FRMPD4: variants seen among roughly 807,000 people sequenced by gnomAD.
The protein encoded by FRMPD4 is FERM and PDZ domain-containing protein 4.
In FRMPD4, 22 loss-of-function variants were observed where a neutral mutation model predicts 94.1. The observed-to-expected ratio is 0.23, with a 90% CI of 0.17 to 0.33. FRMPD4 has a LOEUF of 0.33. Among genes scored for constraint, FRMPD4 ranks in the 10% least tolerant of loss-of-function variants. FRMPD4 has a pLI of 1.00. For missense variants in FRMPD4, 1,111 were observed against 1,339.9 expected (o/e 0.83, Z 2.67); for synonymous variants, 631 against 548.6 (o/e 1.15, Z -2.10).
At chrX:12,599,929 TTGAAA>T (rs1449984382) in intron 2 of FRMPD4, among the ~76,000 whole-genome samples, 31 of 110,251 alleles carry the variant, frequency 2.8e-4, no homozygotes, top group African/African-American at 9.0e-4. Context: ...TTAAGAGGTG[TTGAAA>T]TGAAGGTAAA....
Position 11,875,987 on chromosome X carries a change from T to C in FRMPD4, c.-29-1908T>C, listed in dbSNP as rs745419251. Among the ~76,000 whole-genome samples the C allele has an allele frequency of 8.6e-3, 891 of 103,507 alleles. 7 individuals carry two copies. The highest frequency in any genetic ancestry group is 0.029 in the African/African-American group (816 of 28,368). 89.9% of individuals were successfully genotyped at this position (103,507 alleles called of 115,157 possible). On this transcript the variant is annotated intron_variant, in intron 2 of 18. Transcript: ENST00000640291. Reference sequence around the variant, plus strand: ...GCCTCCCGGGTTCGCGCCATTCTCCTGCCTCAGCCTCCGGAGTAGCTGGGA... The same window carrying C: ...GCCTCCCGGGTTCGCGCCATTCTCCCGCCTCAGCCTCCGGAGTAGCTGGGA...
intron 3 of FRMPD4, among the ~76,000 whole-genome samples, chrX:11,970,987 C>T (rs2054337059): frequency 8.9e-6 from 1 of 112,168 alleles, no homozygotes; most frequent in African/African-American, 3.2e-5. Context: ...TTGTTCTTCC[C>T]CCTCTTCCAG....
At chrX:12,428,162 C>T (rs1399219339) in intron 1 of FRMPD4, among the ~76,000 whole-genome samples, 2 of 109,840 alleles carry the variant, frequency 1.8e-5, no homozygotes, top group African/African-American at 3.3e-5. Flanking sequence ...CTGCCCACCT[C>T]GGCCTCCCCA....
chrX:12,114,862 T>C (rs2055394979), intron 3 of FRMPD4, among the ~76,000 whole-genome samples: 1 of 112,775 alleles, frequency 8.9e-6, no homozygotes, highest in African/African-American at 3.2e-5. Context: ...CCTGAATTCA[T>C]ATAAATGTTT....
At chrX:12,675,209 G>A (rs1166736533) in intron 5 of FRMPD4, among the ~76,000 whole-genome samples, 9 of 111,707 alleles carry the variant, frequency 8.1e-5, no homozygotes, top group Admixed American at 3.8e-4. Context: ...ATGCTTTTCA[G>A]CTTAAGAAAC....
intron 1 of FRMPD4, among the ~76,000 whole-genome samples, chrX:12,458,569 G>C (rs2057359326): frequency 8.9e-6 from 1 of 111,833 alleles, no homozygotes; most frequent in Non-Finnish European, 1.9e-5. Context: ...TAGAGCTGTT[G>C]GTTCCCAGGC....
rs556657337 is a variant in FRMPD4 at position 12,031,502 on chromosome X, A to G, written c.95+153484A>G. Among the ~76,000 whole-genome samples the G allele has an allele frequency of 2.2e-4, 25 of 111,413 alleles. No individual in the cohort carries two copies. The South Asian group carries it at 8.8e-3, about 39-fold the overall frequency. ...TGAGGAGTCAAGGTTTTTTTCTATT[A>G]CTCTAGGTCAGTGATTCTCAACCAG... On this transcript the variant is annotated intron_variant, in intron 3 of 18. Coordinates refer to the FRMPD4 transcript ENST00000640291.
At chrX:12,344,845 G>A (rs1190914848) in intron 1 of FRMPD4, among the ~76,000 whole-genome samples, 1 of 111,844 alleles carries the variant, frequency 8.9e-6, no homozygotes, top group Non-Finnish European at 1.9e-5. Flanking sequence ...CCACCATAGT[G>A]GGGAGGGGGG....
At chrX:12,409,875 G>T (rs1440639932) in intron 1 of FRMPD4, among the ~76,000 whole-genome samples, 1 of 111,025 alleles carries the variant, frequency 9.0e-6, no homozygotes, top group African/African-American at 3.3e-5. Flanking sequence ...TTTGAATTCT[G>T]GTTTTTATTC....
At chrX:12,369,668 A>G (rs1039365290) in intron 1 of FRMPD4, among the ~76,000 whole-genome samples, 3 of 112,313 alleles carry the variant, frequency 2.7e-5, no homozygotes, top group Non-Finnish European at 5.6e-5. Context: ...TAGGAATTCA[A>G]TAGTTGGAGA....
At chrX:11,964,255 GTTC>G (rs2054298870) in intron 3 of FRMPD4, among the ~76,000 whole-genome samples, 1 of 109,822 alleles carries the variant, frequency 9.1e-6, no homozygotes, top group African/African-American at 3.3e-5. Flanking sequence ...CGCCTCCTGG[GTTC>G]ACGCCAATCT....
chrX:12,085,855 C>G (rs1026001987), intron 3 of FRMPD4, among the ~76,000 whole-genome samples: 1 of 111,602 alleles, frequency 9.0e-6, no homozygotes, highest in African/African-American at 3.3e-5. Flanking sequence ...GGCAACAGAG[C>G]AAAATTCTGT....
At chrX:12,481,960 A>G (rs1311527618) in intron 1 of FRMPD4, among the ~76,000 whole-genome samples, 1 of 98,220 alleles carries the variant, frequency 1.0e-5, no homozygotes, top group Non-Finnish European at 2.1e-5. Context: ...AAAAAAAAAA[A>G]AAAAAAAAAA....
intron 1 of FRMPD4, among the ~76,000 whole-genome samples, chrX:12,187,796 T>C (rs919126183): frequency 1.8e-5 from 2 of 111,900 alleles, no homozygotes; most frequent in Non-Finnish European, 3.8e-5. Flanking sequence ...TAGATACACA[T>C]ACATTTGTGT....
intron 3 of FRMPD4, among the ~76,000 whole-genome samples, chrX:11,992,752 T>G (rs937569523): frequency 9.0e-6 from 1 of 111,336 alleles, no homozygotes; most frequent in African/African-American, 3.3e-5. Flanking sequence ...TATCACCTGC[T>G]ATTTGCCCTC....
chrX:12,424,233 T>A (rs1021429103), intron 1 of FRMPD4, among the ~76,000 whole-genome samples: 41 of 112,299 alleles, frequency 3.7e-4, no homozygotes, highest in Non-Finnish European at 1.9e-4. Context: ...TCCTGCCCCA[T>A]GTTAACTATC....
intron 3 of FRMPD4, among the ~76,000 whole-genome samples, chrX:11,915,199 C>T (rs747497985): frequency 2.7e-5 from 3 of 112,482 alleles, no homozygotes; most frequent in South Asian, 3.6e-4. Flanking sequence ...TTTCTGAACA[C>T]AGAGGTCAGA....
chrX:12,636,290 T>G (rs2059442802), intron 4 of FRMPD4, among the ~76,000 whole-genome samples: 1 of 111,790 alleles, frequency 8.9e-6, no homozygotes, highest in Admixed American at 9.5e-5. Context: ...AAAAAATTTA[T>G]TTATAGTTTT....
rs772351122 is a variant in FRMPD4 at position 12,624,698 on chromosome X, T to A, written c.422+9817T>A. Among the ~76,000 whole-genome samples, 7 of 111,468 alleles carry A rather than the reference T, an allele frequency of 6.3e-5. No individual in the cohort carries two copies. The South Asian group carries it at 2.7e-3, about 42-fold the overall frequency. Reference sequence around the variant, plus strand: ...TGTTCAATAGTTAGTTTGACAATACTCCAACCTTTGTATAATAGGAATCGC... The same window carrying A: ...TGTTCAATAGTTAGTTTGACAATACACCAACCTTTGTATAATAGGAATCGC... On this transcript the variant is annotated intron_variant, in intron 4 of 16. Transcript: ENST00000675598.
Sources: gnomAD v4.1 joint callset for allele counts (sites outside exome capture counted in the v4.1 genomes callset) on GRCh38, gnomAD v4.1.1 for gene constraint, MANE v1.5 for transcripts, NCBI Gene and HGNC (gene_info 2026-07-23, HGNC 2026-07-21) for gene names.